CALHM5: variants seen among roughly 807,000 people sequenced by gnomAD.
CALHM5 encodes the protein calcium homeostasis modulator family member 5.
In CALHM5, 17 loss-of-function variants were observed where a neutral mutation model predicts 20.9. The ratio of observed to expected loss-of-function variants is 0.82; its 90% CI spans 0.56 to 1.22. The LOEUF (loss-of-function observed/expected upper bound fraction) is 1.22, where lower values mean the gene tolerates loss of function less well. Ranked by LOEUF, CALHM5 falls within the 50% of genes most tolerant of loss-of-function variation. CALHM5 has a pLI of 0.00. For synonymous variants in CALHM5, 148 were observed against 140.0 expected (o/e 1.06, Z -0.40); for missense variants, 360 against 364.6 (o/e 0.99, Z 0.10).
rs1270998892 is a variant in CALHM5, at chr6:116,520,173, C to T, written c.*4184C>T. ...TTGATTCAAATTAGTTGTTTCAAAG[C>T]CTGATGATCCACTGATTTACTCTAA... On this transcript the variant is annotated 3_prime_UTR_variant, in exon 2 of 2. Transcript: ENST00000368599. 1.3e-5 allele frequency: 2 copies of T among 152,080 alleles called. No individual in the cohort carries two copies. The highest frequency in any genetic ancestry group is 4.8e-5 in the African/African-American group (2 of 41,402). The allele number at this position is 152,080 out of a possible 1,614,324, so 9.4% of individuals were successfully genotyped here.
Position 116,511,770 on chromosome 6 carries a change from T to C in CALHM5, c.74T>C (p.Leu25Pro). Reference sequence around the variant, plus strand: ...GTTATTGGCTACAGCTTCATGGCTCTGCTGACCGTGGGAAGTGAGCGTCTC... The same window carrying C: ...GTTATTGGCTACAGCTTCATGGCTCCGCTGACCGTGGGAAGTGAGCGTCTC... Reference protein sequence around the residue: ...KTVIGYSFMALLTVGSERLFS... With the variant: ...KTVIGYSFMAPLTVGSERLFS... Residue 25 changes from leucine (L) to proline (P), a missense_variant, in exon 1 of 2, where the codon CTG (leucine) becomes CCG (proline). Coordinates refer to ENST00000368599, the MANE Select transcript of CALHM5 (RefSeq NM_153711.5). 1 of 1,614,112 alleles carries C rather than the reference T, an allele frequency of 6.2e-7. No individual in the cohort carries two copies. Among genetic ancestry groups the C allele is most frequent in the Non-Finnish European group, 8.5e-7 (1 of 1,179,986 alleles).
At position 116,523,929 on chromosome 6, in the gene CALHM5, A is replaced by T. The variant is rs1029364724; in HGVS notation, c.*7940A>T. 6.6e-6 allele frequency: 1 copy of T among 152,194 alleles called. No individual in the cohort carries two copies. The highest frequency in any genetic ancestry group is 1.5e-5 in the Non-Finnish European group (1 of 68,022). 9.4% of individuals were successfully genotyped at this position (152,194 alleles called of 1,614,324 possible). The stretch of plus-strand genomic sequence containing the variant: ...GAGATATAAGTGACTTAATAACCAG[A>T]TATGCTATATAGACCTTATTTGTAT... On this transcript the variant is annotated 3_prime_UTR_variant, in exon 2 of 2. Transcript: ENST00000368599.
chr6:116,515,244 T>G (rs1772199902), intron 1 of CALHM5, among the ~76,000 whole-genome samples: 1 of 152,210 alleles, frequency 6.6e-6, no homozygotes, highest in Admixed American at 6.6e-5. Flanking sequence ...AATGACCACA[T>G]TTACTTATGC....
At chr6:116,512,403 C>T (rs1206296752) in intron 1 of CALHM5, 167 bp downstream of exon 1, 2 of 752,558 alleles carry the variant, frequency 2.7e-6, no homozygotes, top group Admixed American at 3.0e-5. Context: ...TTTTGAAAGG[C>T]TGGGTGGCTC....
At chr6:116,512,960 A>T (rs1334909998) in intron 1 of CALHM5, among the ~76,000 whole-genome samples, 2 of 152,238 alleles carry the variant, frequency 1.3e-5, no homozygotes, top group Non-Finnish European at 2.9e-5. Flanking sequence ...AGGAAATCAT[A>T]TCTTTACCTA....
chr6:116,513,033 C>T (rs1349332623), intron 1 of CALHM5, among the ~76,000 whole-genome samples: 1 of 152,132 alleles, frequency 6.6e-6, no homozygotes, highest in Non-Finnish European at 1.5e-5. Flanking sequence ...AGATGTACAG[C>T]CTTAGGAAGG....
Position 116,511,689 on chromosome 6 carries a change from T to A in CALHM5, c.-8T>A. 6.2e-7 allele frequency: 1 copy of A among 1,611,874 alleles called. No homozygotes were observed. ...AGGCACAGCATTTTCCCTCTGTGCA[T>A]CTCCAACATGGATGCTTTTCAGGGC... On this transcript the variant is annotated 5_prime_UTR_variant, in exon 1 of 2. Coordinates refer to ENST00000368599, the MANE Select transcript of CALHM5 (RefSeq NM_153711.5).
chr6:116,512,124 A>G lies in CALHM5; in HGVS notation c.428A>G (p.Lys143Arg), dbSNP rs373293097. 8 of 1,613,882 alleles carry G rather than the reference A, an allele frequency of 5.0e-6. No homozygotes were observed. In the African/African-American group the frequency reaches 9.3e-5, roughly 19 times the overall value. ...TCAGGACTCCTGGAACTGATTTGCA[A>G]GGGTAAGCCCAAAGAGTGCTGGGAA... is the stretch of plus-strand genomic sequence containing the variant. The part of the protein sequence containing the change: ...RSSGLLELIC[K>R]GKPKECWEEL... The change falls in exon 1 of 2, where the codon AAG becomes AGG. Residue 143 changes from lysine (K) to arginine (R), a missense_variant. Physicochemically the swap from Lys to Arg is conservative, Grantham distance 26. Transcript: ENST00000368599.
rs1772359853 is a variant in CALHM5, at chr6:116,522,267, G to C, written c.*6278G>C. 1 of 152,216 alleles carries C rather than the reference G, an allele frequency of 6.6e-6. No homozygotes were observed. Among genetic ancestry groups the C allele is most frequent in the South Asian group, 2.1e-4 (1 of 4,826 alleles). The allele number at this position is 152,216 out of a possible 1,614,324, so 9.4% of individuals were successfully genotyped here. A position where few individuals can be genotyped will look rare whatever the true frequency, so the allele number is the denominator to read the frequency against. On this transcript the variant is annotated 3_prime_UTR_variant, in exon 2 of 2. Coordinates refer to ENST00000368599, the MANE Select transcript of CALHM5 (RefSeq NM_153711.5). Reference sequence around the variant, plus strand: ...CACTCCAGTGGAGGCTGCAGGCTTTGTAGAGAAGTCCTTGCCATGTCCTAT... The same window carrying C: ...CACTCCAGTGGAGGCTGCAGGCTTTCTAGAGAAGTCCTTGCCATGTCCTAT...
At position 116,515,943 on chromosome 6, in the gene CALHM5, A is replaced by G; in HGVS notation, c.884A>G (p.Asp295Gly). The change falls in exon 2 of 2, where the codon GAT becomes GGT. Residue 295 changes from aspartate to glycine, a missense_variant. Asp to Gly is a moderately conservative substitution (Grantham distance 94). Coordinates refer to ENST00000368599, the MANE Select transcript of CALHM5 (RefSeq NM_153711.5). ...VDNGLQLSPEDDETTMVLVGT... is the reference protein window; with the variant it reads ...VDNGLQLSPEGDETTMVLVGT... ...AATGGTCTGCAACTTAGCCCTGAGG[A>G]TGATGAGACGACAATGGTCCTTGTG... 1 of 1,612,574 alleles carries G rather than the reference A, an allele frequency of 6.2e-7. No individual in the cohort carries two copies.
chr6:116,512,488 TACTTAAGTACTTTAAA>T, intron 1 of CALHM5: 1 of 432,492 alleles, frequency 2.3e-6, no homozygotes, highest in Non-Finnish European at 4.2e-6. Flanking sequence ...CACATATAAA[TACTTAAGTACTTTAAA>T]ACAGTCTCTC....
rs775383365 is a variant in CALHM5 at position 116,515,676 on chromosome 6, A to C, written c.617A>C (p.Lys206Thr). 6.2e-7 allele frequency: 1 copy of C among 1,613,950 alleles called. No individual in the cohort carries two copies. The highest frequency in any genetic ancestry group is 1.1e-5 in the South Asian group (1 of 91,072). The change falls in exon 2 of 2, where the codon AAA becomes ACA. Residue 206 changes from lysine to threonine, a missense_variant. Transcript: ENST00000368599. ...ACATGTTATGCTCGCTGCCGATCTA[A>C]AGTTAGCTACCTTCAGCTGAGTTTT... ...LTTCYARCRS[K>T]VSYLQLSFWK... is the part of the protein sequence containing the mutation.
chr6:116,515,710 A>G lies in CALHM5; in HGVS notation c.651A>G (p.Thr217=), dbSNP rs1346099830. 2 of 1,614,038 alleles carry G rather than the reference A, an allele frequency of 1.2e-6. No homozygotes were observed. The highest frequency in any genetic ancestry group is 8.5e-7 in the Non-Finnish European group (1 of 1,179,944). ...VSYLQLSFWK[T]YAQKEKEQLE... is the part of the protein sequence containing the mutation. ...ACCTTCAGCTGAGTTTTTGGAAGAC[A>G]TATGCACAAAAGGAGAAGGAGCAGT... Residue 217 remains threonine, a synonymous_variant, in exon 2 of 2, where the codon ACA becomes ACG. Coordinates refer to ENST00000368599, the MANE Select transcript of CALHM5 (RefSeq NM_153711.5).
In CALHM5 at chr6:116,516,644, C is replaced by A. The variant is rs1266150429; in HGVS notation, c.*655C>A. On this transcript the variant is annotated 3_prime_UTR_variant, in exon 2 of 2. Coordinates refer to ENST00000368599, the MANE Select transcript of CALHM5 (RefSeq NM_153711.5). ...GCCTTTGCGAACCATTTCCTACATT[C>A]AAAATAGTAGTAACAAATATATATA... 7.6e-6 allele frequency: 1 copy of A among 132,078 alleles called. No individual in the cohort carries two copies. The highest frequency in any genetic ancestry group is 1.6e-5 in the Non-Finnish European group (1 of 63,232). The allele number at this position is 132,078 out of a possible 1,614,324, so 8.2% of individuals were successfully genotyped here.
Position 116,512,011 on chromosome 6 carries a change from G to C in CALHM5, c.315G>C (p.Leu105=), listed in dbSNP as rs1562339140. The change falls in exon 1 of 2, where the codon CTG becomes CTC. Residue 105 remains leucine (L), a synonymous_variant. Coordinates refer to ENST00000368599, the MANE Select transcript of CALHM5 (RefSeq NM_153711.5). The part of the protein sequence containing the change: ...RFFYVLGQIT[L]SSLVAPVMWL... ...TCTACGTCCTCGGCCAGATCACTCT[G>C]AGCTCATTGGTGGCTCCAGTGATGT... 6.2e-7 allele frequency: 1 copy of C among 1,614,006 alleles called. No individual in the cohort carries two copies. The highest frequency in any genetic ancestry group is 1.1e-5 in the South Asian group (1 of 91,086).
At chr6:116,512,575 T>A (rs1772145511) in intron 1 of CALHM5, among the ~76,000 whole-genome samples, 3 of 152,260 alleles carry the variant, frequency 2.0e-5, no homozygotes, top group Non-Finnish European at 2.9e-5. Flanking sequence ...ATGGCAGAGC[T>A]GTAATTAGAA....
At position 116,519,479 on chromosome 6, in the gene CALHM5, G is replaced by A. The variant is rs1384373853; in HGVS notation, c.*3490G>A. The A allele has an allele frequency of 1.3e-5, 2 of 152,204 alleles. No homozygotes were observed. The highest frequency in any genetic ancestry group is 2.9e-5 in the Non-Finnish European group (2 of 68,050). The allele number at this position is 152,204 out of a possible 1,614,324, so 9.4% of individuals were successfully genotyped here. ...GTGATCCTCCAGAGGAGGTTACACTGCCGAACTGGGACATTGGCACCCTGG... is the reference window on the plus strand; with the variant it reads ...GTGATCCTCCAGAGGAGGTTACACTACCGAACTGGGACATTGGCACCCTGG... On this transcript the variant is annotated 3_prime_UTR_variant, in exon 2 of 2. Coordinates refer to ENST00000368599, the MANE Select transcript of CALHM5 (RefSeq NM_153711.5).
chr6:116,515,256 C>G (rs1328313342), intron 1 of CALHM5, among the ~76,000 whole-genome samples: 1 of 152,154 alleles, frequency 6.6e-6, no homozygotes, highest in Admixed American at 6.6e-5. Flanking sequence ...TACTTATGCA[C>G]AGAATATTTT....
rs906159965 is a variant in CALHM5, at chr6:116,520,384, A to T, written c.*4395A>T. 6.6e-6 allele frequency: 1 copy of T among 152,118 alleles called. No homozygotes were observed. The highest frequency in any genetic ancestry group is 1.5e-5 in the Non-Finnish European group (1 of 68,026). 9.4% of individuals were successfully genotyped at this position (152,118 alleles called of 1,614,324 possible). A position where few individuals can be genotyped will look rare whatever the true frequency, so the allele number is the denominator to read the frequency against. On this transcript the variant is annotated 3_prime_UTR_variant, in exon 2 of 2. Transcript: ENST00000368599. Reference sequence around the variant, plus strand: ...CCTCTCATTTTTCTCTCTTATTTTAAATATCCCCTGTTGTACAAGCCAGAG... The same window carrying T: ...CCTCTCATTTTTCTCTCTTATTTTATATATCCCCTGTTGTACAAGCCAGAG...
Sources: allele counts gnomAD v4.1 joint callset (sites outside exome capture counted in the v4.1 genomes callset), GRCh38; gene constraint gnomAD v4.1.1; transcripts MANE v1.5; gene names NCBI Gene and HGNC (gene_info 2026-07-23, HGNC 2026-07-21).